Variants in STRADB observed in about 807,000 individuals in gnomAD.
The protein encoded by STRADB is STE20-related kinase adapter protein beta.
A neutral mutation model predicts 52.1 loss-of-function variants in STRADB; 34 were observed. The observed-to-expected ratio is 0.65, with a 90% CI of 0.50 to 0.87. STRADB has a LOEUF of 0.87. Among genes scored for constraint, STRADB ranks in the 40% least tolerant of loss-of-function variants. The probability of loss-of-function intolerance (pLI) is 0.00; values close to 1 mark genes in which losing one functional copy is unlikely to be tolerated. For synonymous variants in STRADB, 133 were observed against 174.5 expected, an observed-to-expected ratio of 0.76 and a Z score of 1.87; for missense variants, 340 against 483.9, an observed-to-expected ratio of 0.70 and a Z score of 2.79.
chr2:201,474,832 A>G lies in STRADB; in HGVS notation c.424+77A>G, dbSNP rs1952447064. ...ATAGATGAGTTGGGATTTTAGATTT[A>G]TGATTTGCCACATTTAATTTATAAG... On this transcript the variant is annotated intron_variant, in intron 6 of 11. Coordinates refer to ENST00000194530, the MANE Select transcript of STRADB (RefSeq NM_018571.6). The G allele has an allele frequency of 4.5e-6, 5 of 1,111,764 alleles. No individual in the cohort carries two copies. In the Admixed American group the frequency reaches 1.0e-4, roughly 23 times the overall value. The allele number at this position is 1,111,764 out of a possible 1,614,324, so 68.9% of individuals were successfully genotyped here. A position where few individuals can be genotyped will look rare whatever the true frequency, so the allele number is the denominator to read the frequency against.
At chr2:201,479,239 C>T (rs1467360183) in intron 10 of STRADB, 4 of 400,628 alleles carry the variant, frequency 1.0e-5, no homozygotes, top group Non-Finnish European at 1.8e-5. Context: ...ATTGCTGCTA[C>T]CCTACTAAGT....
chr2:201,455,071 C>G (rs962124124), intron 2 of STRADB, among the ~76,000 whole-genome samples: 2 of 152,098 alleles, frequency 1.3e-5, no homozygotes, highest in African/African-American at 4.8e-5. Context: ...GTTCATTATT[C>G]TAATCTTTTG....
At chr2:201,453,596 A>G (rs1952084038) in intron 1 of STRADB, among the ~76,000 whole-genome samples, 1 of 152,204 alleles carries the variant, frequency 6.6e-6, no homozygotes, top group African/African-American at 2.4e-5. Flanking sequence ...AAAAGTATGA[A>G]TATTTTCATG....
Position 201,480,497 on chromosome 2 carries a change from G to A in STRADB, c.*322G>A. 5 of 1,061,284 alleles carry A rather than the reference G, an allele frequency of 4.7e-6. No homozygotes were observed. In the South Asian group the frequency reaches 1.7e-4, roughly 37 times the overall value. 65.7% of individuals were successfully genotyped at this position (1,061,284 alleles called of 1,614,324 possible). On this transcript the variant is annotated 3_prime_UTR_variant, in exon 12 of 12. Transcript: ENST00000194530. ...AGTTAATTTTTTTCAGTATTTTGCT[G>A]TCCCTTGGGAATGGGCCCTCAGAGG...
chr2:201,477,955 G>A (rs1952505913), intron 8 of STRADB, 132 bp from the exon 9 acceptor site: 1 of 1,158,074 alleles, frequency 8.6e-7, no homozygotes, highest in African/African-American at 1.6e-5. Flanking sequence ...CATATATGAA[G>A]TGTGTCTTGA....
Position 201,478,378 on chromosome 2 carries a change from G to A in STRADB, c.847G>A (p.Gly283Ser), listed in dbSNP as rs368698287. 3.7e-6 allele frequency: 6 copies of A among 1,613,460 alleles called. No homozygotes were observed. The African/African-American group carries it at 8.0e-5, about 22-fold the overall frequency. Reference sequence around the variant, plus strand: ...TTAGATGCTGTTACAGAAACTGAAAGGTCCTCCTTATAGCCCATTGGATAT... The same window carrying A: ...TTAGATGCTGTTACAGAAACTGAAAAGTCCTCCTTATAGCCCATTGGATAT... ...RTQMLLQKLK[G>S]PPYSPLDISI... is the part of the protein sequence containing the mutation. Residue 283 changes from glycine (G) to serine (S), a missense_variant, in exon 10 of 12, where the codon GGT (glycine) becomes AGT (serine). Coordinates refer to ENST00000194530, the MANE Select transcript of STRADB (RefSeq NM_018571.6).
chr2:201,479,296 T>C, intron 10 of STRADB, 193 bp from the exon 11 acceptor site: 1 of 561,666 alleles, frequency 1.8e-6, no homozygotes, highest in Non-Finnish European at 3.1e-6. Flanking sequence ...TATGGATTAA[T>C]TGAAGGATAC....
Position 201,472,950 on chromosome 2 carries a change from T to C in STRADB, c.194-5T>C. On this transcript the variant is annotated splice_polypyrimidine_tract_variant and splice_region_variant and intron_variant, in intron 4 of 11. Coordinates refer to ENST00000194530, the MANE Select transcript of STRADB (RefSeq NM_018571.6). ...TACTAACATGAGTTTTATGTCTGAT[T>C]ACAGGAAGAGGATTTGACAACTTGA... 6.3e-7 allele frequency: 1 copy of C among 1,597,064 alleles called. No individual in the cohort carries two copies.
intron 3 of STRADB, among the ~76,000 whole-genome samples, chr2:201,462,583 G>T (rs539933761): frequency 6.6e-6 from 1 of 152,146 alleles, no homozygotes; most frequent in Admixed American, 6.5e-5. Context: ...AGGTTACCAT[G>T]AGGCTTGCAA....
chr2:201,459,601 A>G (rs1952181574), intron 3 of STRADB, among the ~76,000 whole-genome samples: 1 of 152,106 alleles, frequency 6.6e-6, no homozygotes, highest in Non-Finnish European at 1.5e-5. Flanking sequence ...CTCAGGTCTC[A>G]TTGTCTCTCA....
chr2:201,454,763 T>C lies in STRADB; in HGVS notation c.-78T>C. On this transcript the variant is annotated 5_prime_UTR_variant, in exon 2 of 12. Coordinates refer to ENST00000194530, the MANE Select transcript of STRADB (RefSeq NM_018571.6). The stretch of plus-strand genomic sequence containing the variant: ...TTTTATAGTAGGATATATCTGCATC[T>C]TGAAAGGAAGATAAAACAAAAGCCT... 7.1e-7 allele frequency: 1 copy of C among 1,407,764 alleles called. No individual in the cohort carries two copies. The highest frequency in any genetic ancestry group is 9.8e-7 in the Non-Finnish European group (1 of 1,022,498). 87.2% of individuals were successfully genotyped at this position (1,407,764 alleles called of 1,614,324 possible). A position where few individuals can be genotyped will look rare whatever the true frequency, so the allele number is the denominator to read the frequency against.
intron 3 of STRADB, among the ~76,000 whole-genome samples, chr2:201,468,956 A>T (rs1952348067): frequency 6.6e-6 from 1 of 152,338 alleles, no homozygotes; most frequent in East Asian, 1.9e-4. Context: ...TCTCATCAGG[A>T]TTATTTCCAA....
intron 4 of STRADB, among the ~76,000 whole-genome samples, chr2:201,472,095 C>T (rs1952398894): frequency 6.6e-6 from 1 of 152,196 alleles, no homozygotes; most frequent in African/African-American, 2.4e-5. Context: ...ATTTAAAAAG[C>T]TGATGATATC....
chr2:201,478,716 T>C (rs2125684448), intron 10 of STRADB, 115 bp downstream of exon 10: 10 of 1,195,690 alleles, frequency 8.4e-6, no homozygotes, highest in South Asian at 8.0e-5. Context: ...TATTGTCTGC[T>C]CTAGAAAATA....
chr2:201,479,315 T>G (rs1952532740), intron 10 of STRADB, 174 bp from the exon 11 acceptor site: 6 of 593,272 alleles, frequency 1.0e-5, no homozygotes. Flanking sequence ...ACCTCTACAA[T>G]TATTTCCTTT....
intron 7 of STRADB, among the ~76,000 whole-genome samples, chr2:201,476,031 A>G (rs1333540402): frequency 1.3e-5 from 2 of 152,174 alleles, no homozygotes; most frequent in African/African-American, 4.8e-5. Context: ...TCAGGAGATG[A>G]GCTGTAGGAA....
chr2:201,480,018 A>G lies in STRADB; in HGVS notation c.1114-14A>G. 6.2e-7 allele frequency: 1 copy of G among 1,613,694 alleles called. No individual in the cohort carries two copies. Among genetic ancestry groups the G allele is most frequent in the Non-Finnish European group, 8.5e-7 (1 of 1,179,664 alleles). The stretch of plus-strand genomic sequence containing the variant: ...ATGATATATCAACAGCCTTATTTTG[A>G]GTTTCTTTAACAGATGAAAGAAGAA... On this transcript the variant is annotated splice_polypyrimidine_tract_variant and intron_variant, in intron 11 of 11. Coordinates refer to ENST00000194530, the MANE Select transcript of STRADB (RefSeq NM_018571.6).
chr2:201,475,376 G>T (rs1266242896), intron 6 of STRADB, among the ~76,000 whole-genome samples: 1 of 151,920 alleles, frequency 6.6e-6, no homozygotes, highest in African/African-American at 2.4e-5. Flanking sequence ...CACACAGAAT[G>T]TATTTTTATT....
At chr2:201,474,581 G>T in intron 5 of STRADB, 66 bp from the exon 6 acceptor site, 2 of 1,396,220 alleles carry the variant, frequency 1.4e-6, no homozygotes, top group Non-Finnish European at 2.0e-6. Flanking sequence ...TGCCACGACC[G>T]CCATTTTCAT....
Sources: gnomAD v4.1 joint callset for allele counts (sites outside exome capture counted in the v4.1 genomes callset) on GRCh38, gnomAD v4.1.1 for gene constraint, MANE v1.5 for transcripts, NCBI Gene and HGNC (gene_info 2026-07-23, HGNC 2026-07-21) for gene names.